VPS26B: variants seen among roughly 807,000 people sequenced by gnomAD.
VPS26B encodes VPS26 retromer complex component B.
In VPS26B, 10 loss-of-function variants were observed where a neutral mutation model predicts 33.3. That is an observed-to-expected ratio of 0.30 (90% CI 0.19 to 0.51). VPS26B has a LOEUF of 0.51. VPS26B is among the 20% of genes least tolerant of loss of function. The pLI is 0.98. For missense variants in VPS26B, 317 were observed against 452.7 expected, an observed-to-expected ratio of 0.70 and a Z score of 2.72; for synonymous variants, 190 against 176.9, an observed-to-expected ratio of 1.07 and a Z score of -0.59.
chr11:134,225,859 G>C (rs1389197002), intron 1 of VPS26B, among the ~76,000 whole-genome samples: 2 of 152,194 alleles, frequency 1.3e-5, no homozygotes, highest in Non-Finnish European at 2.9e-5. Flanking sequence ...TGGTGTGAGA[G>C]AGCTAACCAG....
At chr11:134,235,127 C>A in intron 2 of VPS26B, 74 bp downstream of exon 2, 1 of 1,527,532 alleles carries the variant, frequency 6.5e-7, no homozygotes. Context: ...AGGCCGTCCC[C>A]ACTTTGAGAA....
intron 1 of VPS26B, among the ~76,000 whole-genome samples, chr11:134,233,930 A>G (rs914340792): frequency 2.0e-5 from 3 of 152,216 alleles, no homozygotes; most frequent in South Asian, 2.1e-4. Context: ...CTTATCATCA[A>G]AAAATACCAG....
At chr11:134,241,375 C>G (rs138344682) in intron 3 of VPS26B, among the ~76,000 whole-genome samples, 273 of 152,202 alleles carry the variant, frequency 1.8e-3, no homozygotes, top group Non-Finnish European at 2.2e-3. Flanking sequence ...TGTTTTTTCC[C>G]CTGGCAGGCC....
chr11:134,225,236 C>T lies in VPS26B; in HGVS notation c.114C>T (p.Phe38=). The T allele has an allele frequency of 1.2e-6, 2 of 1,614,144 alleles. No homozygotes were observed. The highest frequency in any genetic ancestry group is 1.3e-5 in the African/African-American group (1 of 75,062). Residue 38 remains phenylalanine, a synonymous_variant, in exon 1 of 6, where the codon TTC becomes TTT. Transcript: ENST00000281187. ...AGGACGGGAAGAAGGAGAAATATTT[C>T]CTCTTCTACGACGGGGAGACGGTCT... is the stretch of plus-strand genomic sequence containing the variant. The part of the protein sequence containing the change: ...KTEDGKKEKY[F]LFYDGETVSG...
At chr11:134,231,589 G>T (rs940916319) in intron 1 of VPS26B, among the ~76,000 whole-genome samples, 5 of 151,510 alleles carry the variant, frequency 3.3e-5, no homozygotes, top group African/African-American at 4.9e-5. Context: ...TTTTGAGACG[G>T]AGTCTTGCTC....
intron 1 of VPS26B, among the ~76,000 whole-genome samples, chr11:134,233,243 C>G (rs141517079): frequency 7.2e-4 from 109 of 152,322 alleles, no homozygotes; most frequent in African/African-American, 2.4e-3. Flanking sequence ...AGACTCCAGT[C>G]TGTGGACTCG....
intron 1 of VPS26B, among the ~76,000 whole-genome samples, chr11:134,232,868 C>A (rs1252494308): frequency 6.6e-6 from 1 of 152,174 alleles, no homozygotes; most frequent in Non-Finnish European, 1.5e-5. Flanking sequence ...CGAAAGCCAA[C>A]ACCATCGACC....
At position 134,245,529 on chromosome 11, in the gene VPS26B, C is replaced by A; in HGVS notation, c.950C>A (p.Thr317Asn). The A allele has an allele frequency of 6.2e-7, 1 of 1,613,900 alleles. No homozygotes were observed. The highest frequency in any genetic ancestry group is 8.5e-7 in the Non-Finnish European group (1 of 1,179,988). Residue 317 changes from threonine to asparagine, a missense_variant, in exon 6 of 6, where the codon ACC becomes AAC. Transcript: ENST00000281187. This position sits in a 1 kb window ranked among gnomAD's most constrained non-coding sequence, Gnocchi z 4.7. Reference sequence around the variant, plus strand: ...ATCGCCTCACAGCGCTTTGAGGGCACCACCTCCCTGGGTGAGGTGCGGACC... The same window carrying A: ...ATCGCCTCACAGCGCTTTGAGGGCAACACCTCCCTGGGTGAGGTGCGGACC... ...AAIASQRFEG[T>N]TSLGEVRTPS...
chr11:134,232,540 G>C (rs1024248483), intron 1 of VPS26B, among the ~76,000 whole-genome samples: 5 of 152,238 alleles, frequency 3.3e-5, no homozygotes, highest in Admixed American at 1.3e-4. Context: ...GCTATGCAGG[G>C]AATGACTTCT....
In VPS26B at chr11:134,245,412, G is replaced by C. The variant is rs1455787794; in HGVS notation, c.865-32G>C. Reference sequence around the variant, plus strand: ...AACCTGTCCCCATGCCTCCCTCTAAGGTGTCACATTGCCCCCCTTTCAATT... The same window carrying C: ...AACCTGTCCCCATGCCTCCCTCTAACGTGTCACATTGCCCCCCTTTCAATT... On this transcript the variant is annotated intron_variant, in intron 5 of 5. Coordinates refer to ENST00000281187, the MANE Select transcript of VPS26B (RefSeq NM_052875.5). The surrounding 1 kb of genome is among the most constrained non-coding windows in gnomAD (Gnocchi z 4.7). The C allele has an allele frequency of 3.1e-6, 5 of 1,613,076 alleles. No individual in the cohort carries two copies. The African/African-American group carries it at 6.7e-5, about 22-fold the overall frequency.
chr11:134,231,563 G>C (rs933750934), intron 1 of VPS26B, among the ~76,000 whole-genome samples: 6 of 151,884 alleles, frequency 4.0e-5, no homozygotes, highest in African/African-American at 1.5e-4. Flanking sequence ...AGGCTCTTTG[G>C]AGGGCTTTTT....
rs1406797132 is a variant in VPS26B at position 134,244,178 on chromosome 11, C to T, written c.722-760C>T. ...TGGCTGTGCAAATAGAGCCAGCTGT[C>T]ATTTTTCCTGTACAAATGAAATGGG... On this transcript the variant is annotated intron_variant, in intron 4 of 5. Coordinates refer to ENST00000281187, the MANE Select transcript of VPS26B (RefSeq NM_052875.5). The surrounding 1 kb of genome is among the most constrained non-coding windows in gnomAD (Gnocchi z 4.0). The T allele has an allele frequency of 6.6e-6, 1 of 152,188 alleles. No homozygotes were observed. Among genetic ancestry groups the T allele is most frequent in the Non-Finnish European group, 1.5e-5 (1 of 68,036 alleles). 9.4% of individuals were successfully genotyped at this position (152,188 alleles called of 1,614,324 possible).
intron 2 of VPS26B, chr11:134,235,306 A>C: frequency 2.8e-6 from 1 of 361,772 alleles, no homozygotes; most frequent in Non-Finnish European, 5.0e-6. Context: ...ATGTTCCTAA[A>C]TGTAGAGGTG....
rs1213634546 is a variant in VPS26B at position 134,234,978 on chromosome 11, C to T, written c.305C>T (p.Ser102Leu). Residue 102 changes from serine to leucine, a missense_variant, in exon 2 of 6, where the codon TCG (serine) becomes TTG (leucine). Transcript: ENST00000281187. ...GCCCGGCCTGGAGAGATCACCCAGTCGCAGGCCTTCGACTTTGAGTTTACC... is the reference window on the plus strand; with the variant it reads ...GCCCGGCCTGGAGAGATCACCCAGTTGCAGGCCTTCGACTTTGAGTTTACC... Reference protein sequence around the residue: ...DLARPGEITQSQAFDFEFTHV... With the variant: ...DLARPGEITQLQAFDFEFTHV... 8.1e-6 allele frequency: 13 copies of T among 1,614,040 alleles called. No homozygotes were observed. The highest frequency in any genetic ancestry group is 1.1e-5 in the South Asian group (1 of 91,076).
intron 1 of VPS26B, among the ~76,000 whole-genome samples, chr11:134,229,719 C>G (rs1938531255): frequency 6.6e-6 from 1 of 152,208 alleles, no homozygotes; most frequent in East Asian, 1.9e-4. Context: ...GTAGCAGCTT[C>G]CTAAGTGGTC....
In VPS26B at chr11:134,247,574, G is replaced by A. The variant is rs920203910; in HGVS notation, c.*1984G>A. 1 of 152,632 alleles carries A rather than the reference G, an allele frequency of 6.6e-6. No homozygotes were observed. The highest frequency in any genetic ancestry group is 1.5e-5 in the Non-Finnish European group (1 of 68,076). 9.5% of individuals were successfully genotyped at this position (152,632 alleles called of 1,614,324 possible). A position where few individuals can be genotyped will look rare whatever the true frequency, so the allele number is the denominator to read the frequency against. The stretch of plus-strand genomic sequence containing the variant: ...CTCTATCCAACTGTGAAAGTGAGGG[G>A]AGGCTCCTGTCCCCCTCTCTTAAGG... On this transcript the variant is annotated 3_prime_UTR_variant, in exon 6 of 6. Coordinates refer to ENST00000281187, the MANE Select transcript of VPS26B (RefSeq NM_052875.5).
chr11:134,247,497 A>C lies in VPS26B; in HGVS notation c.*1907A>C, dbSNP rs1163625082. On this transcript the variant is annotated 3_prime_UTR_variant, in exon 6 of 6. Coordinates refer to ENST00000281187, the MANE Select transcript of VPS26B (RefSeq NM_052875.5). ...GCTTTGATTCTCTCAGGCGCTGTGCACAAGCCAGGTCTTCTGTTTTCTCTT... is the reference window on the plus strand; with the variant it reads ...GCTTTGATTCTCTCAGGCGCTGTGCCCAAGCCAGGTCTTCTGTTTTCTCTT... 6.6e-6 allele frequency: 1 copy of C among 152,468 alleles called. No homozygotes were observed. The highest frequency in any genetic ancestry group is 1.5e-5 in the Non-Finnish European group (1 of 68,040). The allele number at this position is 152,468 out of a possible 1,614,324, so 9.4% of individuals were successfully genotyped here. A position where few individuals can be genotyped will look rare whatever the true frequency, so the allele number is the denominator to read the frequency against.
rs1359499595 is a variant in VPS26B at position 134,246,999 on chromosome 11, G to A, written c.*1409G>A. 1 of 152,104 alleles carries A rather than the reference G, an allele frequency of 6.6e-6. No homozygotes were observed. Among genetic ancestry groups the A allele is most frequent in the Non-Finnish European group, 1.5e-5 (1 of 68,050 alleles). 9.4% of individuals were successfully genotyped at this position (152,104 alleles called of 1,614,324 possible). A position where few individuals can be genotyped will look rare whatever the true frequency, so the allele number is the denominator to read the frequency against. The stretch of plus-strand genomic sequence containing the variant: ...AGTAATTTGGAAAGTTAAGGAGTTG[G>A]TTCCTGTGTCACCTTTCAGTTAGTG... On this transcript the variant is annotated 3_prime_UTR_variant, in exon 6 of 6. Transcript: ENST00000281187.
intron 1 of VPS26B, among the ~76,000 whole-genome samples, chr11:134,232,169 C>G (rs1387849715): frequency 6.6e-6 from 1 of 151,300 alleles, no homozygotes; most frequent in South Asian, 2.1e-4. Flanking sequence ...CCTGACACGT[C>G]TGGTCCCTGA....
Sources: gnomAD v4.1 joint callset for allele counts (sites outside exome capture counted in the v4.1 genomes callset) on GRCh38, gnomAD v4.1.1 for gene constraint, Gnocchi (gnomAD v3.1) non-coding constraint, MANE v1.5 for transcripts, NCBI Gene and HGNC (gene_info 2026-07-23, HGNC 2026-07-21) for gene names.